Variants in MYO7B observed in about 807,000 individuals in gnomAD.
The protein encoded by MYO7B is unconventional myosin-VIIb.
In MYO7B, 212 loss-of-function variants were observed where a neutral mutation model predicts 259.7. The observed-to-expected ratio is 0.82, with a 90% CI of 0.73 to 0.91. The LOEUF is 0.91. MYO7B is among the 40% of genes least tolerant of loss of function. MYO7B has a pLI of 0.00. For synonymous variants in MYO7B, 1,197 were observed against 1,166.4 expected, an observed-to-expected ratio of 1.03 and a Z score of -0.54; for missense variants, 2,732 against 2,813.5, an observed-to-expected ratio of 0.97 and a Z score of 0.66.
Position 127,574,153 on chromosome 2 carries a change from C to T in MYO7B, c.735+91C>T. Reference sequence around the variant, plus strand: ...TTCCCACTCTCACCTCTCCTCCCCTCTTCCCCAAGGGCCCTCCCAGAACCC... The same window carrying T: ...TTCCCACTCTCACCTCTCCTCCCCTTTTCCCCAAGGGCCCTCCCAGAACCC... On this transcript the variant is annotated intron_variant, in intron 7 of 47. Coordinates refer to ENST00000409816, the MANE Select transcript of MYO7B (RefSeq NM_001393586.1). 2.6e-6 allele frequency: 4 copies of T among 1,521,370 alleles called. No individual in the cohort carries two copies. The South Asian group carries it at 4.8e-5, about 18-fold the overall frequency. 94.2% of individuals were successfully genotyped at this position (1,521,370 alleles called of 1,614,324 possible). A position where few individuals can be genotyped will look rare whatever the true frequency, so the allele number is the denominator to read the frequency against.
chr2:127,549,142 TTC>T (rs1417859160), intron 1 of MYO7B, among the ~76,000 whole-genome samples: 2 of 89,864 alleles, frequency 2.2e-5, no homozygotes, highest in East Asian at 7.7e-4. Context: ...TCTTTCTTTC[TTC>T]TTTCTTCCTT....
intron 19 of MYO7B, among the ~76,000 whole-genome samples, chr2:127,598,854 G>A (rs759519233): frequency 2.0e-5 from 3 of 152,060 alleles, no homozygotes; most frequent in Non-Finnish European, 4.4e-5. Context: ...TCAATGAAAT[G>A]CTTTTACATC....
chr2:127,563,149 C>T (rs1358085735), intron 2 of MYO7B, among the ~76,000 whole-genome samples: 1 of 152,176 alleles, frequency 6.6e-6, no homozygotes, highest in Non-Finnish European at 1.5e-5. Flanking sequence ...TTGCCTCTGA[C>T]CTACTCTTTG....
Position 127,608,830 on chromosome 2 carries a change from C to T in MYO7B, c.2766C>T (p.Leu922=), listed in dbSNP as rs1680262755. ...TEMVEKVFGF[L]PAMIGGQEGQ... ...TGGTGGAGAAGGTGTTCGGCTTCCT[C>T]CCTGCCATGATTGGGGGCCAGGAGG... is the stretch of plus-strand genomic sequence containing the variant. Residue 922 remains leucine (L), a synonymous_variant, in exon 22 of 48, where the codon CTC becomes CTT. Coordinates refer to ENST00000409816, the MANE Select transcript of MYO7B (RefSeq NM_001393586.1). The T allele has an allele frequency of 1.2e-6, 2 of 1,613,472 alleles. No individual in the cohort carries two copies. Among genetic ancestry groups the T allele is most frequent in the East Asian group, 4.5e-5 (2 of 44,866 alleles).
intron 2 of MYO7B, among the ~76,000 whole-genome samples, chr2:127,560,006 A>ATTTCT (rs1273576681): frequency 4.3e-4 from 64 of 147,830 alleles, no homozygotes; most frequent in South Asian, 3.7e-3. Flanking sequence ...TGATAAAGGG[A>ATTTCT]TTTCTTTTCT....
chr2:127,536,813 T>G (rs574816025), intron 1 of MYO7B, among the ~76,000 whole-genome samples: 13 of 152,266 alleles, frequency 8.5e-5, no homozygotes, highest in African/African-American at 2.9e-4. Context: ...TAGGAACCAC[T>G]CAGCTCATCA....
At chr2:127,574,855 G>A (rs953867139) in intron 7 of MYO7B, among the ~76,000 whole-genome samples, 1 of 152,194 alleles carries the variant, frequency 6.6e-6, no homozygotes, top group Non-Finnish European at 1.5e-5. Context: ...GAGGGCCCAT[G>A]GTTTCCTTTT....
At chr2:127,588,174 A>AG (rs1260341580) in intron 14 of MYO7B, among the ~76,000 whole-genome samples, 1 of 151,034 alleles carries the variant, frequency 6.6e-6, no homozygotes, top group South Asian at 2.1e-4. Flanking sequence ...AATGGGAATT[A>AG]GGGGGGGTCC....
intron 35 of MYO7B, 26 bp downstream of exon 35, chr2:127,629,852 A>G: frequency 1.3e-6 from 2 of 1,527,650 alleles, no homozygotes; most frequent in African/African-American, 2.8e-5. Context: ...CCCTGTCCTC[A>G]GCCTGGGTAC....
At chr2:127,604,209 G>A (rs75131655) in intron 19 of MYO7B, among the ~76,000 whole-genome samples, 5,680 of 152,312 alleles carry the variant, frequency 0.037, 220 homozygotes, top group South Asian at 0.15. Context: ...TGGATAACTC[G>A]TTGCAGCTTC....
intron 1 of MYO7B, among the ~76,000 whole-genome samples, chr2:127,547,082 A>G (rs1156976607): frequency 6.6e-6 from 1 of 151,638 alleles, no homozygotes; most frequent in Non-Finnish European, 1.5e-5. Context: ...TCATCCATCT[A>G]CCTATCCATC....
At chr2:127,552,658 G>A (rs571790699) in intron 1 of MYO7B, among the ~76,000 whole-genome samples, 1 of 152,286 alleles carries the variant, frequency 6.6e-6, no homozygotes, top group South Asian at 2.1e-4. Flanking sequence ...GGGCATGCCT[G>A]GAGGTCAGAT....
At chr2:127,602,670 G>A (rs1680007559) in intron 19 of MYO7B, among the ~76,000 whole-genome samples, 1 of 151,542 alleles carries the variant, frequency 6.6e-6, no homozygotes, top group Non-Finnish European at 1.5e-5. Context: ...AACAAAGAAA[G>A]GAAACAACAA....
chr2:127,600,032 T>A (rs1321480735), intron 19 of MYO7B, among the ~76,000 whole-genome samples: 1 of 152,230 alleles, frequency 6.6e-6, no homozygotes, highest in Non-Finnish European at 1.5e-5. Flanking sequence ...TTAGGAAGTG[T>A]TTCCTCCTCT....
chr2:127,578,692 A>G (rs6706077), intron 9 of MYO7B, among the ~76,000 whole-genome samples: 132,256 of 152,250 alleles, frequency 0.87, 57,653 homozygotes, highest in East Asian at 0.99. Flanking sequence ...CTCGCTGGAA[A>G]AAAGCACCAG....
chr2:127,563,712 T>C (rs1320828650), intron 2 of MYO7B, among the ~76,000 whole-genome samples: 1 of 152,240 alleles, frequency 6.6e-6, no homozygotes, highest in Non-Finnish European at 1.5e-5. Context: ...AGCTTCCTCC[T>C]GCGTCTTCTA....
Position 127,612,286 on chromosome 2 carries a change from T to C in MYO7B, c.3229T>C (p.Ser1077Pro), listed in dbSNP as rs1189065819. 6 of 749,772 alleles carry C rather than the reference T, an allele frequency of 8.0e-6. No individual in the cohort carries two copies. The highest frequency in any genetic ancestry group is 1.4e-5 in the Non-Finnish European group (6 of 436,858). 46.4% of individuals were successfully genotyped at this position (749,772 alleles called of 1,614,324 possible). The part of the protein sequence containing the change: ...GCKDKGTKDI[S>P]SMKLKRSSRI... ...CAAGGACAAGGGGACCAAGGATATC[T>C]CCTCCATGAAGCTGAAGCGGTCCTC... Residue 1077 changes from serine (S) to proline (P), a missense_variant, in exon 25 of 48, where the codon TCC (serine) becomes CCC (proline). Coordinates refer to ENST00000409816, the MANE Select transcript of MYO7B (RefSeq NM_001393586.1).
In MYO7B at chr2:127,636,853, C is replaced by A. The variant is rs1206743082; in HGVS notation, c.6267C>A (p.Tyr2089Ter). ...KISSWSSGST[Y>*]FHMALGSLGR... ...CCAGCTGGAGCAGCGGCAGCACCTA[C>A]TTCCACATGGCGCTGGGGAGCCTGG... is the stretch of plus-strand genomic sequence containing the variant. Residue 2089 changes from tyrosine (Y) to a stop codon, truncating the protein, a stop_gained, in exon 47 of 48, where the codon TAC becomes TAA. Coordinates refer to ENST00000409816, the MANE Select transcript of MYO7B (RefSeq NM_001393586.1). LOFTEE classifies it high-confidence loss of function. The surrounding 1 kb of genome is among the most constrained non-coding windows in gnomAD (Gnocchi z 4.5). 6.2e-7 allele frequency: 1 copy of A among 1,611,532 alleles called. No homozygotes were observed. The highest frequency in any genetic ancestry group is 8.5e-7 in the Non-Finnish European group (1 of 1,178,762).
At chr2:127,561,530 A>C (rs369363475) in intron 2 of MYO7B, among the ~76,000 whole-genome samples, 4 of 152,220 alleles carry the variant, frequency 2.6e-5, no homozygotes, top group East Asian at 3.9e-4. Flanking sequence ...CCCAAAGTGC[A>C]GAGTGGTCAT....
Sources: allele counts gnomAD v4.1 joint callset (sites outside exome capture counted in the v4.1 genomes callset), GRCh38; gene constraint gnomAD v4.1.1; non-coding constraint Gnocchi (gnomAD v3.1); transcripts MANE v1.5; gene names NCBI Gene and HGNC (gene_info 2026-07-23, HGNC 2026-07-21).